Variants in RERE observed in about 807,000 individuals in gnomAD.
RERE encodes the protein arginine-glutamic acid dipeptide repeats protein.
In RERE, 40 loss-of-function variants were observed where a neutral mutation model predicts 146.1. That is an observed-to-expected ratio of 0.27 (90% CI 0.21 to 0.36). The LOEUF (loss-of-function observed/expected upper bound fraction) is 0.36. Among genes scored for constraint, RERE ranks in the 10% least tolerant of loss-of-function variants. RERE has a pLI of 1.00. For synonymous variants in RERE, 1,003 were observed against 866.0 expected (o/e 1.16, Z -2.78); for missense variants, 1,933 against 2,138.7 (o/e 0.90, Z 1.90).
At chr1:8,534,419 G>A (rs1482647547) in intron 7 of RERE, among the ~76,000 whole-genome samples, 6 of 152,182 alleles carry the variant, frequency 3.9e-5, no homozygotes, top group Non-Finnish European at 5.9e-5. Context: ...ATGAACTTAT[G>A]AATATACACA....
intron 11 of RERE, among the ~76,000 whole-genome samples, chr1:8,448,646 GA>G (rs1350015318): frequency 6.6e-6 from 1 of 152,014 alleles, no homozygotes; most frequent in Non-Finnish European, 1.5e-5. Context: ...CGTCATTGAA[GA>G]AACATTTATT....
At chr1:8,747,559 G>A (rs1314335608) in intron 1 of RERE, among the ~76,000 whole-genome samples, 4 of 151,850 alleles carry the variant, frequency 2.6e-5, no homozygotes, top group Admixed American at 2.0e-4. Context: ...TTGATTTACT[G>A]AGTATCTACT....
chr1:8,804,735 T>C (rs892114252), intron 1 of RERE, among the ~76,000 whole-genome samples: 7 of 138,084 alleles, frequency 5.1e-5, no homozygotes, highest in African/African-American at 1.8e-4. Flanking sequence ...TGTGAGAAAG[T>C]GGAGAAGCCA....
chr1:8,419,026 T>C (rs1643852577), intron 12 of RERE, among the ~76,000 whole-genome samples: 1 of 152,204 alleles, frequency 6.6e-6, no homozygotes, highest in South Asian at 2.1e-4. Context: ...AGAAGAGGTA[T>C]ACAGCCAAGG....
intron 2 of RERE, among the ~76,000 whole-genome samples, chr1:8,635,947 T>TTATCTTATC (rs1557448198): frequency 8.3e-5 from 9 of 108,434 alleles, no homozygotes; most frequent in East Asian, 4.8e-4. Context: ...ATTATTTTAT[T>TTATCTTATC]TTATCTTATC....
At chr1:8,648,146 G>A (rs1264368615) in intron 2 of RERE, among the ~76,000 whole-genome samples, 17 of 152,202 alleles carry the variant, frequency 1.1e-4, no homozygotes, top group Admixed American at 9.8e-4. Flanking sequence ...CCAAAGATTA[G>A]TTGTGGCTGT....
rs79106143 is a variant in RERE at position 8,555,100 on chromosome 1, C to A, written c.725+1375G>T. On this transcript the variant is annotated intron_variant, in intron 6 of 22. Transcript: ENST00000400908. Reference sequence around the variant, plus strand: ...TCCTGTAAGAAGTCAAACCTAACTACATCCATGCCATACCCCACAGCAGAG... The same window carrying A: ...TCCTGTAAGAAGTCAAACCTAACTAAATCCATGCCATACCCCACAGCAGAG... Among the ~76,000 whole-genome samples, 1,212 of 152,332 alleles carry A rather than the reference C, an allele frequency of 8.0e-3. 13 individuals carry two copies. Among genetic ancestry groups the A allele is most frequent in the African/African-American group, 0.028 (1,158 of 41,558 alleles).
In RERE at chr1:8,405,404, A is replaced by T. The variant is rs367693842; in HGVS notation, c.1284+17323T>A. 2.6e-5 allele frequency among the ~76,000 whole-genome samples: 4 copies of T among 152,228 alleles called. No individual in the cohort carries two copies. The East Asian group carries it at 5.8e-4, about 22-fold the overall frequency. ...AAACTAGAAGTTGGTTAATAACATG[A>T]TATCTTTTAAAAATGCAACCATCAA... On this transcript the variant is annotated intron_variant, in intron 12 of 22. Coordinates refer to ENST00000400908, the MANE Select transcript of RERE (RefSeq NM_001042681.2).
At chr1:8,713,130 C>G (rs555713109) in intron 1 of RERE, among the ~76,000 whole-genome samples, 20 of 152,250 alleles carry the variant, frequency 1.3e-4, no homozygotes, top group African/African-American at 4.8e-4. Flanking sequence ...AATTTAGTAA[C>G]TGGAGGAGGA....
At chr1:8,520,227 G>T (rs1645473389) in intron 7 of RERE, among the ~76,000 whole-genome samples, 3 of 152,058 alleles carry the variant, frequency 2.0e-5, no homozygotes. Flanking sequence ...TTCCTGAGAG[G>T]CCATTGATCC....
intron 8 of RERE, among the ~76,000 whole-genome samples, chr1:8,501,015 A>T (rs1332957128): frequency 1.1e-5 from 1 of 93,504 alleles, no homozygotes; most frequent in Non-Finnish European, 2.1e-5. Context: ...TCCGCCCGGC[A>T]GCCACCCCGT....
intron 1 of RERE, among the ~76,000 whole-genome samples, chr1:8,678,593 G>A (rs1638896346): frequency 2.0e-5 from 3 of 150,570 alleles, no homozygotes; most frequent in South Asian, 4.2e-4. Context: ...CCTGGGAGGC[G>A]GAGGTTGCAG....
intron 10 of RERE, among the ~76,000 whole-genome samples, chr1:8,480,943 A>C (rs1361573604): frequency 6.6e-6 from 1 of 152,244 alleles, no homozygotes; most frequent in Non-Finnish European, 1.5e-5. Flanking sequence ...GAAGTTTCTT[A>C]AATGAGTAAA....
At chr1:8,637,824 G>A (rs1265936392) in intron 2 of RERE, among the ~76,000 whole-genome samples, 1 of 152,212 alleles carries the variant, frequency 6.6e-6, no homozygotes, top group Non-Finnish European at 1.5e-5. Flanking sequence ...ATAGGCCAAA[G>A]CCCTACGATA....
intron 12 of RERE, among the ~76,000 whole-genome samples, chr1:8,392,201 C>G (rs1332677420): frequency 6.6e-6 from 1 of 152,064 alleles, no homozygotes; most frequent in African/African-American, 2.4e-5. Flanking sequence ...AAAGAAATAA[C>G]CTAAAAAGCC....
chr1:8,370,424 G>A (rs529503584), intron 12 of RERE, among the ~76,000 whole-genome samples: 1 of 152,310 alleles, frequency 6.6e-6, no homozygotes, highest in East Asian at 1.9e-4. Context: ...TGACACAAAT[G>A]TATACAGTGG....
At chr1:8,748,671 G>T (rs752261377) in intron 1 of RERE, among the ~76,000 whole-genome samples, 1 of 152,146 alleles carries the variant, frequency 6.6e-6, no homozygotes, top group African/African-American at 2.4e-5. Flanking sequence ...CCAACTTCAA[G>T]ATTCTCATTA....
intron 8 of RERE, among the ~76,000 whole-genome samples, chr1:8,500,749 C>T (rs1645123637): frequency 2.0e-5 from 3 of 151,846 alleles, no homozygotes; most frequent in South Asian, 2.1e-4. Context: ...GGCCGCCATC[C>T]CATCTAGGAA....
At chr1:8,800,219 A>G (rs1252978260) in intron 1 of RERE, among the ~76,000 whole-genome samples, 1 of 150,388 alleles carries the variant, frequency 6.6e-6, no homozygotes, top group African/African-American at 2.4e-5. Context: ...TGATCACACC[A>G]CTGCACTCCA....
Sources: gnomAD v4.1 joint callset for allele counts (sites outside exome capture counted in the v4.1 genomes callset) on GRCh38, gnomAD v4.1.1 for gene constraint, MANE v1.5 for transcripts, NCBI Gene and HGNC (gene_info 2026-07-23, HGNC 2026-07-21) for gene names.